The following MAGI3 variants were observed in gnomAD, a reference collection of about 807,000 sequenced individuals.
MAGI3 encodes membrane associated guanylate kinase, WW and PDZ domain containing 3.
Under a neutral mutation model 121.8 loss-of-function variants are expected in MAGI3, and 43 were observed. The ratio of observed to expected loss-of-function variants is 0.35; its 90% confidence interval spans 0.28 to 0.46. MAGI3 has a LOEUF of 0.46. Among genes scored for constraint, MAGI3 ranks in the 20% least tolerant of loss-of-function variants. The probability of loss-of-function intolerance (pLI) is 1.00; values close to 1 mark genes in which losing one functional copy is unlikely to be tolerated. For missense variants in MAGI3, 1,547 were observed against 1,797.3 expected (o/e 0.86, Z 2.52); for synonymous variants, 553 against 639.3 (o/e 0.86, Z 2.04).
chr1:113,533,327 CACA>C (rs916619235), intron 1 of MAGI3, among the ~76,000 whole-genome samples: 3 of 152,326 alleles, frequency 2.0e-5, no homozygotes, highest in Non-Finnish European at 4.4e-5. Flanking sequence ...AATCAATTAA[CACA>C]ACAACAGATA....
chr1:113,475,939 T>A (rs1158568150), intron 1 of MAGI3, among the ~76,000 whole-genome samples: 1 of 152,192 alleles, frequency 6.6e-6, no homozygotes, highest in Non-Finnish European at 1.5e-5. Flanking sequence ...TTCACCTTCT[T>A]CCTGGTTTAG....
At chr1:113,557,830 C>T (rs1332328002) in intron 2 of MAGI3, among the ~76,000 whole-genome samples, 1 of 152,192 alleles carries the variant, frequency 6.6e-6, no homozygotes, top group Non-Finnish European at 1.5e-5. Context: ...TCAGTACCCA[C>T]CTGGGACAGA....
At chr1:113,471,614 A>G (rs1451631696) in intron 1 of MAGI3, among the ~76,000 whole-genome samples, 2 of 152,198 alleles carry the variant, frequency 1.3e-5, no homozygotes, top group East Asian at 3.8e-4. Context: ...ATAATATAGT[A>G]GATACATAAA....
At chr1:113,451,751 GT>G (rs1654496658) in intron 1 of MAGI3, among the ~76,000 whole-genome samples, 2 of 152,098 alleles carry the variant, frequency 1.3e-5, no homozygotes, top group Admixed American at 1.3e-4. Context: ...CTGTGCAGTG[GT>G]TTTTATTCTG....
chr1:113,642,800 T>A (rs530420905), intron 10 of MAGI3, among the ~76,000 whole-genome samples: 31 of 152,350 alleles, frequency 2.0e-4, no homozygotes, highest in Non-Finnish European at 3.8e-4. Context: ...GTCACAGCAT[T>A]GTGATACTTC....
intron 1 of MAGI3, among the ~76,000 whole-genome samples, chr1:113,452,455 TACACAC>T (rs4026203): frequency 9.9e-4 from 146 of 146,966 alleles, no homozygotes; most frequent in Non-Finnish European, 1.4e-3. Context: ...TGCATAGACA[TACACAC>T]ACACACACAC....
chr1:113,412,825 G>A (rs1457179212), intron 1 of MAGI3, among the ~76,000 whole-genome samples: 1 of 152,082 alleles, frequency 6.6e-6, no homozygotes, highest in Admixed American at 6.6e-5. Context: ...CATTCTGTAG[G>A]TTGCCTGTTC....
At chr1:113,513,973 C>G (rs1657754194) in intron 1 of MAGI3, among the ~76,000 whole-genome samples, 1 of 151,954 alleles carries the variant, frequency 6.6e-6, no homozygotes, top group African/African-American at 2.4e-5. Flanking sequence ...AGGACATGAA[C>G]AGACACTTCT....
intron 1 of MAGI3, among the ~76,000 whole-genome samples, chr1:113,423,730 G>A (rs532960122): frequency 6.6e-6 from 1 of 152,282 alleles, no homozygotes; most frequent in Non-Finnish European, 1.5e-5. Flanking sequence ...CTGGCAGCCC[G>A]GCCTCCAGGC....
chr1:113,626,808 A>G (rs905788896), intron 9 of MAGI3, among the ~76,000 whole-genome samples: 1 of 152,096 alleles, frequency 6.6e-6, no homozygotes, highest in African/African-American at 2.4e-5. Context: ...CTCCTGTTTC[A>G]TCTCTGATTT....
chr1:113,597,370 T>A (rs764368177), intron 6 of MAGI3, among the ~76,000 whole-genome samples: 1 of 152,210 alleles, frequency 6.6e-6, no homozygotes, highest in Non-Finnish European at 1.5e-5. Flanking sequence ...TATGAAGACG[T>A]TTTAAAACTG....
intron 1 of MAGI3, among the ~76,000 whole-genome samples, chr1:113,493,424 C>T (rs559492067): frequency 6.6e-6 from 1 of 152,196 alleles, no homozygotes; most frequent in South Asian, 2.1e-4. Context: ...ACTATAAAAA[C>T]GTTGGAAGAC....
rs890709699 is a variant in MAGI3 at position 113,576,710 on chromosome 1, C to A, written c.434-3832C>A. ...ACAACAGAGGAAATCTATATGGCTT[C>A]TAAATGTATTAAAAAGAATGTTTAA... On this transcript the variant is annotated intron_variant, in intron 2 of 20. Transcript: ENST00000307546. The A allele has an allele frequency of 3.3e-5, 5 of 152,250 alleles. No homozygotes were observed. The East Asian group carries it at 9.7e-4, about 29-fold the overall frequency. The allele number at this position is 152,250 out of a possible 1,614,324, so 9.4% of individuals were successfully genotyped here. A position where few individuals can be genotyped will look rare whatever the true frequency, so the allele number is the denominator to read the frequency against.
At chr1:113,577,874 A>G (rs1647752464) in intron 2 of MAGI3, among the ~76,000 whole-genome samples, 1 of 152,152 alleles carries the variant, frequency 6.6e-6, no homozygotes, top group Non-Finnish European at 1.5e-5. Context: ...TTTTTATAGT[A>G]TTATCTATAA....
At chr1:113,459,607 C>G (rs986927810) in intron 1 of MAGI3, among the ~76,000 whole-genome samples, 1 of 152,192 alleles carries the variant, frequency 6.6e-6, no homozygotes, top group African/African-American at 2.4e-5. Context: ...TTCACTACTA[C>G]CTGCCTCTTT....
At chr1:113,431,464 A>G (rs577392355) in intron 1 of MAGI3, among the ~76,000 whole-genome samples, 3 of 152,340 alleles carry the variant, frequency 2.0e-5, no homozygotes, top group African/African-American at 7.2e-5. Flanking sequence ...AAGTGGTATT[A>G]TTTGTAGATG....
intron 7 of MAGI3, chr1:113,618,658 A>C: frequency 3.1e-6 from 1 of 323,868 alleles, no homozygotes. Context: ...GGCATGCACC[A>C]CCACGCCCAG....
At chr1:113,495,791 A>G (rs1222842806) in intron 1 of MAGI3, among the ~76,000 whole-genome samples, 1 of 152,232 alleles carries the variant, frequency 6.6e-6, no homozygotes, top group Non-Finnish European at 1.5e-5. Context: ...AGAGAGTAGT[A>G]TAAACAAATA....
At chr1:113,537,142 C>T (rs1386731899) in intron 1 of MAGI3, among the ~76,000 whole-genome samples, 2 of 152,164 alleles carry the variant, frequency 1.3e-5, no homozygotes, top group Admixed American at 1.3e-4. Flanking sequence ...CAGATAGCCT[C>T]TATTTAGCTA....
Sources: gnomAD v4.1 joint callset for allele counts (sites outside exome capture counted in the v4.1 genomes callset) on GRCh38, gnomAD v4.1.1 for gene constraint, MANE v1.5 for transcripts, NCBI Gene and HGNC (gene_info 2026-07-23, HGNC 2026-07-21) for gene names.